CSMD1: variants seen among roughly 807,000 people sequenced by gnomAD.
CSMD1 encodes CUB and Sushi multiple domains 1.
CSMD1 carries 213 observed loss-of-function variants against 417.5 expected under a neutral mutation model. That is an observed-to-expected ratio of 0.51 (90% CI 0.46 to 0.57). CSMD1 has a LOEUF of 0.57. Among genes scored for constraint, CSMD1 ranks in the 20% least tolerant of loss-of-function variants. The probability of loss-of-function intolerance (pLI) is 0.00; values close to 1 mark genes in which losing one functional copy is unlikely to be tolerated. For synonymous variants in CSMD1, 2,862 were observed against 1,736.8 expected, an observed-to-expected ratio of 1.65 and a Z score of -16.11; for missense variants, 6,923 against 4,529.7, an observed-to-expected ratio of 1.53 and a Z score of -15.17.
chr8:4,828,087 T>C (rs1428252938), intron 1 of CSMD1, among the ~76,000 whole-genome samples: 1 of 152,156 alleles, frequency 6.6e-6, no homozygotes, highest in African/African-American at 2.4e-5. Context: ...TATTCTTCAG[T>C]CTTTTTTGAC....
chr8:4,534,218 G>A (rs1024955240), intron 2 of CSMD1, among the ~76,000 whole-genome samples: 3 of 152,192 alleles, frequency 2.0e-5, no homozygotes, highest in Admixed American at 6.5e-5. Flanking sequence ...TGCTATCTCA[G>A]AAAGAAATAC....
At chr8:4,164,828 A>G (rs1584941154) in intron 3 of CSMD1, among the ~76,000 whole-genome samples, 1 of 151,936 alleles carries the variant, frequency 6.6e-6, no homozygotes, top group Admixed American at 6.6e-5. Context: ...GTGAGCTGAC[A>G]TTGTGCCACT....
At chr8:3,338,017 C>T (rs574230048) in intron 23 of CSMD1, among the ~76,000 whole-genome samples, 4 of 152,284 alleles carry the variant, frequency 2.6e-5, no homozygotes, top group African/African-American at 9.6e-5. Context: ...TTGGCAGATG[C>T]TTTTATTTCC....
At chr8:4,699,942 T>C (rs1807409920) in intron 1 of CSMD1, among the ~76,000 whole-genome samples, 1 of 152,216 alleles carries the variant, frequency 6.6e-6, no homozygotes, top group African/African-American at 2.4e-5. Flanking sequence ...CAAGCTAGGA[T>C]TAGAATAAGA....
At chr8:3,143,476 C>T (rs1818636225) in intron 40 of CSMD1, among the ~76,000 whole-genome samples, 1 of 152,108 alleles carries the variant, frequency 6.6e-6, no homozygotes, top group Non-Finnish European at 1.5e-5. Context: ...TAAACTATGG[C>T]TGATAATTTA....
chr8:4,427,045 G>C (rs753414408), intron 2 of CSMD1, among the ~76,000 whole-genome samples: 2 of 151,990 alleles, frequency 1.3e-5, no homozygotes, highest in South Asian at 4.1e-4. Context: ...TGGTGTAGAC[G>C]GAACAGCCCC....
chr8:3,305,871 G>C (rs896744866), intron 25 of CSMD1, among the ~76,000 whole-genome samples: 10 of 152,104 alleles, frequency 6.6e-5, no homozygotes, highest in African/African-American at 2.4e-4. Context: ...TAGTAGAGAA[G>C]GGGTTTCACC....
intron 9 of CSMD1, among the ~76,000 whole-genome samples, chr8:3,584,397 T>G (rs1356246209): frequency 6.6e-6 from 1 of 152,198 alleles, no homozygotes; most frequent in Non-Finnish European, 1.5e-5. Context: ...GACACTTGAA[T>G]TGACGAGAAC....
At chr8:3,817,775 C>G (rs1379814308) in intron 5 of CSMD1, among the ~76,000 whole-genome samples, 3 of 152,030 alleles carry the variant, frequency 2.0e-5, no homozygotes, top group African/African-American at 7.3e-5. Context: ...CCAAAAGCCC[C>G]AATGCAGACC....
At chr8:3,818,931 C>T (rs1001565540) in intron 5 of CSMD1, among the ~76,000 whole-genome samples, 3 of 152,194 alleles carry the variant, frequency 2.0e-5, no homozygotes, top group African/African-American at 7.2e-5. Context: ...CTCACTCACA[C>T]TCACACCCTT....
intron 1 of CSMD1, among the ~76,000 whole-genome samples, chr8:4,848,031 GATTTCCCTGTTGGGGAC>G (rs1278536600): frequency 6.6e-6 from 1 of 152,088 alleles, no homozygotes; most frequent in Non-Finnish European, 1.5e-5. Context: ...TGTCTCTGTA[GATTTCCCTGTTGGGGAC>G]ATTTCCTATG....
At chr8:3,689,751 T>G (rs1800136994) in intron 7 of CSMD1, among the ~76,000 whole-genome samples, 1 of 152,160 alleles carries the variant, frequency 6.6e-6, no homozygotes, top group African/African-American at 2.4e-5. Context: ...GATCACTAAA[T>G]AAAGCAGAGG....
chr8:3,687,673 G>C (rs1030809245), intron 7 of CSMD1, among the ~76,000 whole-genome samples: 1 of 152,192 alleles, frequency 6.6e-6, no homozygotes, highest in East Asian at 1.9e-4. Flanking sequence ...CTAGGACCGA[G>C]GCTCCCTGAG....
At chr8:4,652,665 A>G (rs79625521) in intron 1 of CSMD1, among the ~76,000 whole-genome samples, 7,097 of 152,084 alleles carry the variant, frequency 0.047, 596 homozygotes, top group African/African-American at 0.16. Flanking sequence ...TTTAAAAAAA[A>G]AGACAGATTC....
At chr8:3,046,223 G>A (rs1217193608) in intron 50 of CSMD1, among the ~76,000 whole-genome samples, 2 of 152,212 alleles carry the variant, frequency 1.3e-5, no homozygotes, top group Admixed American at 1.3e-4. Flanking sequence ...GGCAGCGGGG[G>A]TTTCAGGCGC....
intron 55 of CSMD1, among the ~76,000 whole-genome samples, chr8:2,977,837 C>T (rs1256261561): frequency 6.6e-6 from 1 of 152,164 alleles, no homozygotes; most frequent in Non-Finnish European, 1.5e-5. Flanking sequence ...CTCAACATCA[C>T]TGATCATAAG....
chr8:4,034,735 G>C (rs1015359754), intron 3 of CSMD1, among the ~76,000 whole-genome samples: 1 of 152,088 alleles, frequency 6.6e-6, no homozygotes, highest in South Asian at 2.1e-4. Context: ...TTAATGTCCA[G>C]GAATATTTAA....
Position 3,749,926 on chromosome 8 carries a change from T to C in CSMD1, c.931+4004A>G, listed in dbSNP as rs189884951. 2.6e-5 allele frequency among the ~76,000 whole-genome samples: 4 copies of C among 152,308 alleles called. No individual in the cohort carries two copies. The East Asian group carries it at 7.7e-4, about 29-fold the overall frequency. On this transcript the variant is annotated intron_variant, in intron 6 of 69. Transcript: ENST00000635120. ...TATTGTGTGTAGCTACTCATTTCTGTTGGACGCATGCCTGAAATGTTTCTT... is the reference window on the plus strand; with the variant it reads ...TATTGTGTGTAGCTACTCATTTCTGCTGGACGCATGCCTGAAATGTTTCTT...
chr8:3,589,284 A>G (rs1800738810), intron 8 of CSMD1, among the ~76,000 whole-genome samples: 1 of 152,042 alleles, frequency 6.6e-6, no homozygotes, highest in South Asian at 2.1e-4. Context: ...AGATATCTGC[A>G]CTCTCATAGT....
Sources: gnomAD v4.1 joint callset for allele counts (sites outside exome capture counted in the v4.1 genomes callset) on GRCh38, gnomAD v4.1.1 for gene constraint, MANE v1.5 for transcripts, NCBI Gene and HGNC (gene_info 2026-07-23, HGNC 2026-07-21) for gene names.